The following TRAK1 variants were observed in gnomAD, a reference collection of about 807,000 sequenced individuals.
TRAK1 encodes the protein trafficking kinesin protein 1.
In TRAK1, 33 loss-of-function variants were observed where a neutral mutation model predicts 92.1. The observed-to-expected ratio is 0.36, with a 90% CI of 0.27 to 0.48. TRAK1 has a LOEUF of 0.48. Among genes scored for constraint, TRAK1 ranks in the 20% least tolerant of loss-of-function variants. The pLI, the probability that TRAK1 is intolerant of heterozygous loss-of-function variation, is 0.99. For missense variants in TRAK1, 1,123 were observed against 1,257.9 expected (o/e 0.89, Z 1.62); for synonymous variants, 521 against 517.3 (o/e 1.01, Z -0.10).
chr3:42,075,125 C>T (rs1704094742), intron 1 of TRAK1, among the ~76,000 whole-genome samples: 1 of 151,806 alleles, frequency 6.6e-6, no homozygotes, highest in African/African-American at 2.4e-5. Flanking sequence ...TAGGTTGATT[C>T]CATGTCTTTG....
At chr3:42,173,026 A>G (rs753165194) in intron 2 of TRAK1, among the ~76,000 whole-genome samples, 4 of 152,050 alleles carry the variant, frequency 2.6e-5, no homozygotes, top group Non-Finnish European at 5.9e-5. Flanking sequence ...GGCACCTGTA[A>G]TCCCAGCTAC....
intron 8 of TRAK1, 28 bp from the exon 9 acceptor site, chr3:42,193,796 G>A (rs1706174856): frequency 1.6e-6 from 2 of 1,241,804 alleles, no homozygotes; most frequent in Admixed American, 3.9e-5. Context: ...AGTATCTTAG[G>A]AAGTGATCTA....
chr3:42,035,012 C>A (rs1702275381), intron 1 of TRAK1, among the ~76,000 whole-genome samples: 1 of 152,210 alleles, frequency 6.6e-6, no homozygotes, highest in East Asian at 1.9e-4. Context: ...TCTCCTACTT[C>A]ATTGCCGGTC....
intron 14 of TRAK1, chr3:42,217,922 A>G (rs1559403780): frequency 3.0e-6 from 3 of 985,124 alleles, no homozygotes; most frequent in Non-Finnish European, 3.6e-6. Flanking sequence ...TCACTGATTG[A>G]GAAAGATTCA....
At position 42,132,335 on chromosome 3, in the gene TRAK1, C is replaced by T. The variant is rs148412811; in HGVS notation, c.286+6721C>T. On this transcript the variant is annotated intron_variant, in intron 2 of 15. Coordinates refer to ENST00000327628, the MANE Select transcript of TRAK1 (RefSeq NM_001042646.3). ...AGTGAGTGCCTTGGTGCCATCTTGG[C>T]TCACTGCATTCTCAACCTCCCAGAC... is the stretch of plus-strand genomic sequence containing the variant. 2.0e-3 allele frequency among the ~76,000 whole-genome samples: 305 copies of T among 148,942 alleles called. 1 individual carries two copies. The highest frequency in any genetic ancestry group is 7.4e-3 in the African/African-American group (298 of 40,404).
intron 1 of TRAK1, among the ~76,000 whole-genome samples, chr3:42,015,502 C>G (rs577049187): frequency 6.6e-6 from 1 of 152,272 alleles, no homozygotes; most frequent in South Asian, 2.1e-4. Flanking sequence ...CAACTCCTCT[C>G]TATTGGCTGT....
At chr3:42,085,254 G>A (rs770708723), upstream of TRAK1, among the ~76,000 whole-genome samples, 8 of 152,002 alleles carry the variant, frequency 5.3e-5, no homozygotes, top group Admixed American at 3.3e-4. Context: ...TGCAAGCCCC[G>A]CCTCCCAGTT....
chr3:42,025,891 C>T (rs1246067003), intron 1 of TRAK1, among the ~76,000 whole-genome samples: 3 of 152,090 alleles, frequency 2.0e-5, no homozygotes, highest in Non-Finnish European at 2.9e-5. Context: ...ATACTGTACA[C>T]AGAAAAAAGA....
chr3:42,113,816 A>T (rs2149088062), intron 1 of TRAK1, among the ~76,000 whole-genome samples: 1 of 152,286 alleles, frequency 6.6e-6, no homozygotes, highest in East Asian at 1.9e-4. Context: ...AGCCTCCCAC[A>T]GTGTTGGGAT....
chr3:42,042,530 C>G (rs1702588339), intron 1 of TRAK1, among the ~76,000 whole-genome samples: 1 of 151,910 alleles, frequency 6.6e-6, no homozygotes, highest in South Asian at 2.1e-4. Flanking sequence ...CACCACCATA[C>G]CTGGCTAATT....
At chr3:42,115,496 C>T (rs1011631217) in intron 1 of TRAK1, among the ~76,000 whole-genome samples, 7 of 152,236 alleles carry the variant, frequency 4.6e-5, no homozygotes, top group African/African-American at 1.2e-4. Flanking sequence ...TATGTGTCAC[C>T]GGGGCTGGTG....
rs367669806 is a variant in TRAK1, at chr3:42,216,205, G to A, written c.1964-3289G>A. ...AAAGCACTGGGCCATGGGAAGCAGT[G>A]GGCTTCCTACGTATTTTCCCTGGGA... On this transcript the variant is annotated intron_variant, in intron 14 of 15. Transcript: ENST00000327628. Among the ~76,000 whole-genome samples, 52 of 152,242 alleles carry A rather than the reference G, an allele frequency of 3.4e-4. No individual in the cohort carries two copies. The South Asian group carries it at 9.9e-3, about 29-fold the overall frequency.
intron 1 of TRAK1, among the ~76,000 whole-genome samples, chr3:42,121,732 T>TG (rs1178748285): frequency 6.6e-6 from 1 of 152,234 alleles, no homozygotes; most frequent in Admixed American, 6.5e-5. Context: ...TCCTATCCCA[T>TG]GTCCTAATTC....
intron 2 of TRAK1, among the ~76,000 whole-genome samples, chr3:42,154,803 T>C (rs1189636874): frequency 6.6e-6 from 1 of 152,140 alleles, no homozygotes; most frequent in African/African-American, 2.4e-5. Context: ...CCCTGCTCTC[T>C]AGGAGCAGAG....
At chr3:42,079,038 A>G (rs531425234) in intron 1 of TRAK1, among the ~76,000 whole-genome samples, 1 of 152,270 alleles carries the variant, frequency 6.6e-6, no homozygotes, top group South Asian at 2.1e-4. Context: ...AAGTGTGGAT[A>G]TCAGTTCTTT....
intron 2 of TRAK1, among the ~76,000 whole-genome samples, chr3:42,164,408 T>C (rs1701630381): frequency 6.6e-6 from 1 of 152,240 alleles, no homozygotes; most frequent in African/African-American, 2.4e-5. Context: ...ACTCATTTAA[T>C]CTTTAAAACA....
At chr3:42,203,387 C>T (rs1389783590) in intron 13 of TRAK1, 17 of 985,612 alleles carry the variant, frequency 1.7e-5, no homozygotes, top group South Asian at 4.7e-5. Flanking sequence ...CTCCGTAAGC[C>T]ACCCTTTTTC....
chr3:42,047,629 A>G (rs943333153), intron 1 of TRAK1, among the ~76,000 whole-genome samples: 1 of 152,204 alleles, frequency 6.6e-6, no homozygotes, highest in Non-Finnish European at 1.5e-5. Context: ...AAGAAGGAAG[A>G]TGGAAACTCT....
upstream of TRAK1, among the ~76,000 whole-genome samples, chr3:42,088,195 A>C (rs191121137): frequency 1.8e-4 from 27 of 152,298 alleles, no homozygotes; most frequent in Non-Finnish European, 3.1e-4. Context: ...TAATATATGC[A>C]AGTTGGCTTC....
Sources: gnomAD v4.1 joint callset for allele counts (sites outside exome capture counted in the v4.1 genomes callset) on GRCh38, gnomAD v4.1.1 for gene constraint, MANE v1.5 for transcripts, NCBI Gene and HGNC (gene_info 2026-07-23, HGNC 2026-07-21) for gene names.